The following PISD variants were observed in gnomAD, a reference collection of about 807,000 sequenced individuals.
PISD encodes the protein phosphatidylserine decarboxylase.
Under a neutral mutation model 43.5 loss-of-function variants are expected in PISD, and 31 were observed. The observed-to-expected ratio is 0.71, with a 90% CI of 0.54 to 0.96. The LOEUF (loss-of-function observed/expected upper bound fraction) is 0.96. Ranked by LOEUF, PISD falls within the 40% of genes least tolerant of loss-of-function variation. PISD has a pLI of 0.00. For synonymous variants in PISD, 259 were observed against 228.7 expected, an observed-to-expected ratio of 1.13 and a Z score of -1.20; for missense variants, 523 against 548.4, an observed-to-expected ratio of 0.95 and a Z score of 0.46.
At chr22:31,652,722 C>CACAAA (rs377241662) in intron 1 of PISD, among the ~76,000 whole-genome samples, 5 of 149,952 alleles carry the variant, frequency 3.3e-5, no homozygotes, top group Admixed American at 1.3e-4. Context: ...GCAGGAGAAT[C>CACAAA]ACAAAACAAA....
rs1309051648 is a variant in PISD at position 31,619,058 on chromosome 22, C to T, written c.*554G>A. 1 of 235,504 alleles carries T rather than the reference C, an allele frequency of 4.2e-6. No homozygotes were observed. 14.6% of individuals were successfully genotyped at this position (235,504 alleles called of 1,614,324 possible). On this transcript the variant is annotated 3_prime_UTR_variant, in exon 8 of 8. Coordinates refer to ENST00000439502, the MANE Select transcript of PISD (RefSeq NM_001326411.2). ...CCAGGGTGATGCGTTCAGCCACAAG[C>T]ACAAAGACTGCTTTTTCTAAAGAGC...
intron 7 of PISD, 21 bp from the exon 8 acceptor site, chr22:31,619,857 T>C: frequency 6.4e-7 from 1 of 1,557,872 alleles, no homozygotes; most frequent in Non-Finnish European, 8.8e-7. Context: ...AGGCTGGGGG[T>C]CAGTGGGGCC....
At chr22:31,636,417 C>T (rs1295157877) in intron 3 of PISD, among the ~76,000 whole-genome samples, 1 of 152,248 alleles carries the variant, frequency 6.6e-6, no homozygotes, top group Non-Finnish European at 1.5e-5. Context: ...TTGCCACAAG[C>T]CCCCAGGGCC....
chr22:31,650,669 G>C (rs901020159), intron 2 of PISD, 30 bp downstream of exon 2: 2 of 1,300,512 alleles, frequency 1.5e-6, no homozygotes, highest in Non-Finnish European at 2.2e-6. Flanking sequence ...GGCAGAGAGA[G>C]GGTCACCACC....
At position 31,632,024 on chromosome 22, in the gene PISD, T is replaced by C. The variant is rs556469776; in HGVS notation, c.322-10139A>G. 1.8e-4 allele frequency among the ~76,000 whole-genome samples: 28 copies of C among 152,222 alleles called. No homozygotes were observed. The East Asian group carries it at 2.5e-3, about 14-fold the overall frequency. On this transcript the variant is annotated intron_variant, in intron 3 of 7. Transcript: ENST00000439502. The stretch of plus-strand genomic sequence containing the variant: ...GAGTTTGAGACCAGCCTGGACAACA[T>C]AGTGAGACCTCTTTTTTTAAACCAA...
intron 1 of PISD, among the ~76,000 whole-genome samples, chr22:31,653,788 G>A (rs981668905): frequency 6.6e-6 from 1 of 152,180 alleles, no homozygotes; most frequent in Non-Finnish European, 1.5e-5. Context: ...TTCGAGACCA[G>A]CCTGGCCAAC....
chr22:31,627,059 C>T (rs1269532151), intron 3 of PISD, among the ~76,000 whole-genome samples: 2 of 152,266 alleles, frequency 1.3e-5, no homozygotes, highest in African/African-American at 4.8e-5. Flanking sequence ...TCCTCAGCCA[C>T]ACAGGTGAAG....
At chr22:31,625,904 C>T in intron 3 of PISD, 18 of 1,538,230 alleles carry the variant, frequency 1.2e-5, no homozygotes, top group Non-Finnish European at 1.6e-5. Context: ...CAGCAGATCT[C>T]CTGTGCTGTC....
intron 1 of PISD, among the ~76,000 whole-genome samples, chr22:31,655,823 G>GT (rs1389162070): frequency 6.6e-6 from 1 of 150,742 alleles, no homozygotes; most frequent in Non-Finnish European, 1.5e-5. Context: ...TTTTAGTAGA[G>GT]ACAGGGTTTC....
chr22:31,646,969 A>G (rs2073904124), intron 3 of PISD, among the ~76,000 whole-genome samples: 1 of 152,166 alleles, frequency 6.6e-6, no homozygotes, highest in South Asian at 2.1e-4. Flanking sequence ...GCAGACAGGT[A>G]TCTCTTAGGG....
intron 1 of PISD, among the ~76,000 whole-genome samples, chr22:31,655,389 C>T (rs970344097): frequency 3.8e-4 from 58 of 151,752 alleles, no homozygotes; most frequent in Admixed American, 2.8e-3. Context: ...GATCATAGCT[C>T]ACCGCTGCCT....
chr22:31,632,619 T>C (rs1482167314), intron 3 of PISD, among the ~76,000 whole-genome samples: 1 of 152,082 alleles, frequency 6.6e-6, no homozygotes, highest in East Asian at 1.9e-4. Context: ...ATGGTCCCAG[T>C]CTGAGTGAGT....
intron 3 of PISD, chr22:31,638,672 A>C: frequency 1.0e-6 from 1 of 977,016 alleles, no homozygotes; most frequent in South Asian, 4.7e-5. Context: ...TTCTTTGTAG[A>C]GGCATGGTTT....
Position 31,640,702 on chromosome 22 carries a change from T to G in PISD, c.321+7399A>C, listed in dbSNP as rs1442582209. Reference sequence around the variant, plus strand: ...TTCAAGCAATTCTCCCACCTCAGCCTCCCGAGTAGCAGGGATTACAGGTGC... The same window carrying G: ...TTCAAGCAATTCTCCCACCTCAGCCGCCCGAGTAGCAGGGATTACAGGTGC... On this transcript the variant is annotated intron_variant, in intron 3 of 7. Coordinates refer to ENST00000439502, the MANE Select transcript of PISD (RefSeq NM_001326411.2). Among the ~76,000 whole-genome samples, 5 of 141,400 alleles carry G rather than the reference T, an allele frequency of 3.5e-5. No individual in the cohort carries two copies. In the South Asian group the frequency reaches 1.2e-3, roughly 34 times the overall value. 92.8% of individuals were successfully genotyped at this position (141,400 alleles called of 152,430 possible).
chr22:31,653,088 T>TG (rs1415833957), intron 1 of PISD, among the ~76,000 whole-genome samples: 4 of 149,220 alleles, frequency 2.7e-5, no homozygotes, highest in Non-Finnish European at 5.9e-5. Context: ...ATAGCACTAT[T>TG]GTAGCTAACA....
upstream of PISD, chr22:31,662,527 C>T (rs985717688): frequency 2.4e-6 from 1 of 415,472 alleles, no homozygotes; most frequent in African/African-American, 2.0e-5. Context: ...TTCAAGTGAT[C>T]GAACTTGCTC....
At position 31,637,151 on chromosome 22, in the gene PISD, AAAAAAAAAAAAAAATATATATATATAT is replaced by A. The variant is rs1284630905; in HGVS notation, c.321+10923_321+10949del. On this transcript the variant is annotated intron_variant, in intron 3 of 7. Transcript: ENST00000439502. ...AATAATAATAAATAAATTAAAAAAA[AAAAAAAAAAAAAAATATATATATATAT>A]ATATATATATATATATATATATATA... 2.2e-3 allele frequency among the ~76,000 whole-genome samples: 48 copies of A among 21,444 alleles called. 1 individual carries two copies. The highest frequency in any genetic ancestry group is 3.9e-3 in the South Asian group (3 of 766). The allele number at this position is 21,444 out of a possible 152,430, so 14.1% of individuals were successfully genotyped here. A position where few individuals can be genotyped will look rare whatever the true frequency, so the allele number is the denominator to read the frequency against.
At chr22:31,650,256 T>C (rs1259261628) in intron 2 of PISD, among the ~76,000 whole-genome samples, 1 of 152,128 alleles carries the variant, frequency 6.6e-6, no homozygotes, top group African/African-American at 2.4e-5. Context: ...GGTCGGCAGA[T>C]CACTTGAGGC....
intron 1 of PISD, among the ~76,000 whole-genome samples, chr22:31,661,000 G>A (rs1487086028): frequency 6.6e-6 from 1 of 152,162 alleles, no homozygotes; most frequent in Non-Finnish European, 1.5e-5. Context: ...CTACCAAAGT[G>A]CTGAGGTTAC....
Sources: allele counts gnomAD v4.1 joint callset (sites outside exome capture counted in the v4.1 genomes callset), GRCh38; gene constraint gnomAD v4.1.1; transcripts MANE v1.5; gene names NCBI Gene and HGNC (gene_info 2026-07-23, HGNC 2026-07-21).